Variants in ZNF141 observed in about 807,000 individuals in gnomAD.
The protein encoded by ZNF141 is zinc finger protein 141.
Under a neutral mutation model 11.3 loss-of-function variants are expected in ZNF141, and 7 were observed. That is an observed-to-expected ratio of 0.62 (90% CI 0.35 to 1.16). ZNF141 has a LOEUF of 1.16. Among genes scored for constraint, ZNF141 ranks in the 50% most tolerant of loss-of-function variants. The pLI is 0.02. For missense variants in ZNF141, 535 were observed against 554.0 expected (o/e 0.97, Z 0.34); for synonymous variants, 183 against 190.7 (o/e 0.96, Z 0.33).
chr4:357,418 CA>C (rs565649782), intron 3 of ZNF141, among the ~76,000 whole-genome samples: 2,409 of 93,338 alleles, frequency 0.026, 17 homozygotes, highest in Middle Eastern at 0.089. Context: ...GACTCTGTCT[CA>C]AAAAAAAAAA....
intron 1 of ZNF141, chr4:342,829 C>G (rs1553848726): frequency 6.2e-7 from 1 of 1,607,520 alleles, no homozygotes. Flanking sequence ...AACAGGTCCC[C>G]GAGGCATTTT....
chr4:339,371 C>A (rs561663671), intron 1 of ZNF141, among the ~76,000 whole-genome samples: 33 of 152,362 alleles, frequency 2.2e-4, no homozygotes, highest in African/African-American at 7.2e-4. Flanking sequence ...CCAGTCCTTT[C>A]GTCAATCCTG....
intron 1 of ZNF141, among the ~76,000 whole-genome samples, chr4:341,793 C>T (rs1721064346): frequency 1.3e-5 from 2 of 152,150 alleles, no homozygotes; most frequent in African/African-American, 4.8e-5. Flanking sequence ...AGTCTCCTCT[C>T]CAGAGCTGGT....
chr4:341,467 C>T (rs1370688200), intron 1 of ZNF141, among the ~76,000 whole-genome samples: 1 of 152,092 alleles, frequency 6.6e-6, no homozygotes, highest in Non-Finnish European at 1.5e-5. Flanking sequence ...TATTTAGCTT[C>T]TAATATAATT....
chr4:369,737 GATATAT>G (rs1342029616), intron 3 of ZNF141, among the ~76,000 whole-genome samples: 3 of 85,088 alleles, frequency 3.5e-5, no homozygotes, highest in African/African-American at 1.8e-4. Flanking sequence ...TTCTTAAAGA[GATATAT>G]ATATATATAT....
At position 378,130 on chromosome 4, in the gene ZNF141, A is replaced by G. The variant is rs1712455073; in HGVS notation, c.*4268A>G. ...CAGTGAGCTGATGTTGTGCCACTGCAGTGCAGCCTGCCAACAGAGTAAGAC... is the reference window on the plus strand; with the variant it reads ...CAGTGAGCTGATGTTGTGCCACTGCGGTGCAGCCTGCCAACAGAGTAAGAC... On this transcript the variant is annotated 3_prime_UTR_variant, in exon 4 of 4. Coordinates refer to ENST00000240499, the MANE Select transcript of ZNF141 (RefSeq NM_003441.4). 1 of 152,178 alleles carries G rather than the reference A, an allele frequency of 6.6e-6. No homozygotes were observed. The highest frequency in any genetic ancestry group is 2.4e-5 in the African/African-American group (1 of 41,456). The allele number at this position is 152,178 out of a possible 1,614,324, so 9.4% of individuals were successfully genotyped here.
chr4:351,782 C>A (rs1721615221), intron 3 of ZNF141, among the ~76,000 whole-genome samples: 1 of 152,060 alleles, frequency 6.6e-6, no homozygotes, highest in Non-Finnish European at 1.5e-5. Flanking sequence ...GCTGGTGAAC[C>A]TTTCTTTCAG....
chr4:373,633 A>C lies in ZNF141; in HGVS notation c.1196A>C (p.Glu399Ala). The C allele has an allele frequency of 6.2e-7, 1 of 1,614,208 alleles. No homozygotes were observed. Among genetic ancestry groups the C allele is most frequent in the Non-Finnish European group, 8.5e-7 (1 of 1,180,018 alleles). ...HTGEKPYKCEECGKAFRRSTD... is the reference protein window; with the variant it reads ...HTGEKPYKCEACGKAFRRSTD... ...GGAGAGAAACCCTACAAATGTGAAG[A>C]ATGTGGCAAAGCCTTTAGACGGTCC... Residue 399 changes from glutamate (E) to alanine (A), a missense_variant, in exon 4 of 4, where the codon GAA (glutamate) becomes GCA (alanine). Glu to Ala is a moderately radical substitution (Grantham distance 107). Transcript: ENST00000240499.
At position 382,815 on chromosome 4, in the gene ZNF141, A is replaced by G. The variant is rs1300104483; in HGVS notation, c.*8953A>G. The stretch of plus-strand genomic sequence containing the variant: ...GTGCATGGGCTTCAGAATCAGGCCA[A>G]CGTTGATCCTGAGTCCCAGCCAGCT... On this transcript the variant is annotated 3_prime_UTR_variant, in exon 4 of 4. Coordinates refer to ENST00000240499, the MANE Select transcript of ZNF141 (RefSeq NM_003441.4). The G allele has an allele frequency of 1.2e-5, 3 of 254,786 alleles. No homozygotes were observed. Among genetic ancestry groups the G allele is most frequent in the African/African-American group, 4.5e-5 (2 of 44,114 alleles). The allele number at this position is 254,786 out of a possible 1,614,324, so 15.8% of individuals were successfully genotyped here. A position where few individuals can be genotyped will look rare whatever the true frequency, so the allele number is the denominator to read the frequency against.
intron 3 of ZNF141, among the ~76,000 whole-genome samples, chr4:369,764 A>ATATATATTTTT: frequency 4.1e-5 from 2 of 48,724 alleles, no homozygotes; most frequent in African/African-American, 1.7e-4. Context: ...ATATATATAT[A>ATATATATTTTT]TTTTTTTTTT....
intron 3 of ZNF141, chr4:358,479 C>T: frequency 5.5e-6 from 1 of 182,144 alleles, no homozygotes; most frequent in Non-Finnish European, 1.2e-5. Context: ...AGCCATTGTG[C>T]CCAGCTCTCC....
At chr4:340,824 C>A (rs75234965) in intron 1 of ZNF141, among the ~76,000 whole-genome samples, 1 of 152,188 alleles carries the variant, frequency 6.6e-6, no homozygotes, top group Non-Finnish European at 1.5e-5. Flanking sequence ...AGCTTAACAA[C>A]GTACATAGCC....
chr4:350,695 G>T, intron 3 of ZNF141, among the ~76,000 whole-genome samples: 1 of 152,010 alleles, frequency 6.6e-6, no homozygotes, highest in East Asian at 1.9e-4. Flanking sequence ...AGCCCCTTTG[G>T]TACTGTCTTT....
rs373224939 is a variant in ZNF141 at position 346,893 on chromosome 4, A to ACACACAC, written c.226+2464_226+2465insACACACC. Among the ~76,000 whole-genome samples the ACACACAC allele has an allele frequency of 3.6e-3, 491 of 135,462 alleles. 24 individuals are homozygous for ACACACAC. The highest frequency in any genetic ancestry group is 0.014 in the African/African-American group (443 of 31,348). The allele number at this position is 135,462 out of a possible 152,430, so 88.9% of individuals were successfully genotyped here. A position where few individuals can be genotyped will look rare whatever the true frequency, so the allele number is the denominator to read the frequency against. On this transcript the variant is annotated intron_variant, in intron 3 of 3. Transcript: ENST00000240499. Reference sequence around the variant, plus strand: ...TATATATGTATACACACACACACACACCGCCCCCCCCATATATTGGCTACT... The same window carrying ACACACAC: ...TATATATGTATACACACACACACACACACACACCCGCCCCCCCCATATATTGGCTACT...
At position 371,818 on chromosome 4, in the gene ZNF141, G is replaced by T. The variant is rs1481207010; in HGVS notation, c.227-846G>T. 2.6e-5 allele frequency among the ~76,000 whole-genome samples: 4 copies of T among 152,158 alleles called. No homozygotes were observed. In the East Asian group the frequency reaches 7.7e-4, roughly 29 times the overall value. The stretch of plus-strand genomic sequence containing the variant: ...GCCTCCCAAAGTGCTGGGATTACAG[G>T]TGTGAGCCACCATGCCCGTTCCCTT... On this transcript the variant is annotated intron_variant, in intron 3 of 3. Coordinates refer to ENST00000240499, the MANE Select transcript of ZNF141 (RefSeq NM_003441.4).
chr4:377,753 G>A lies in ZNF141; in HGVS notation c.*3891G>A, dbSNP rs565728586. On this transcript the variant is annotated 3_prime_UTR_variant, in exon 4 of 4. Transcript: ENST00000240499. The stretch of plus-strand genomic sequence containing the variant: ...TGTATGAGATTCTATCATAAAGTGT[G>A]TAAAATGTAACAAAAGTTAGAATAA... 6.6e-6 allele frequency among the ~76,000 whole-genome samples: 1 copy of A among 152,300 alleles called. No individual in the cohort carries two copies. The highest frequency in any genetic ancestry group is 6.5e-5 in the Admixed American group (1 of 15,294).
intron 3 of ZNF141, among the ~76,000 whole-genome samples, chr4:360,027 A>G (rs184806276): frequency 1.3e-5 from 2 of 152,280 alleles, no homozygotes; most frequent in South Asian, 2.1e-4. Flanking sequence ...AATGATAGCT[A>G]TGTTTACAAT....
At chr4:344,012 CCTT>C (rs1203525771) in intron 2 of ZNF141, 104 bp downstream of exon 2, 45 of 1,462,224 alleles carry the variant, frequency 3.1e-5, no homozygotes, top group Non-Finnish European at 3.8e-5. Context: ...TTTACATAAA[CCTT>C]CTCTTTTCTT....
chr4:355,448 C>T (rs1721797121), intron 3 of ZNF141, among the ~76,000 whole-genome samples: 1 of 152,138 alleles, frequency 6.6e-6, no homozygotes, highest in Non-Finnish European at 1.5e-5. Context: ...GCAGGTGATT[C>T]TGCTGCCTGG....
Sources: gnomAD v4.1 joint callset for allele counts (sites outside exome capture counted in the v4.1 genomes callset) on GRCh38, gnomAD v4.1.1 for gene constraint, MANE v1.5 for transcripts, NCBI Gene and HGNC (gene_info 2026-07-23, HGNC 2026-07-21) for gene names.